ERCC2: variants seen among roughly 807,000 people sequenced by gnomAD.
ERCC2 encodes ERCC excision repair 2, TFIIH core complex helicase subunit, also known as general transcription and DNA repair factor IIH helicase subunit XPD.
In ERCC2, 90 loss-of-function variants were observed where a neutral mutation model predicts 99.4. The ratio of observed to expected loss-of-function variants is 0.91; its 90% CI spans 0.76 to 1.08. The LOEUF (loss-of-function observed/expected upper bound fraction) is 1.08, where lower values mean the gene tolerates loss of function less well. Among genes scored for constraint, ERCC2 ranks in the 50% least tolerant of loss-of-function variants. The pLI, the probability that ERCC2 is intolerant of heterozygous loss-of-function variation, is 0.00. For missense variants in ERCC2, 993 were observed against 1,038.1 expected, an observed-to-expected ratio of 0.96 and a Z score of 0.60; for synonymous variants, 497 against 432.4, an observed-to-expected ratio of 1.15 and a Z score of -1.85.
intron 11 of ERCC2, 107 bp from the exon 12 acceptor site, chr19:45,361,749 G>A: frequency 1.2e-6 from 1 of 829,298 alleles, no homozygotes; most frequent in South Asian, 1.4e-5. Flanking sequence ...CCCAGCCAAT[G>A]AGCACTCAGT....
chr19:45,352,127 G>A (rs539168986), intron 22 of ERCC2, 82 bp downstream of exon 22: 956 of 1,464,494 alleles, frequency 6.5e-4, no homozygotes, highest in African/African-American at 2.5e-3. Flanking sequence ...GGCTGAGGGT[G>A]GGGAGTGGGG....
chr19:45,352,474 A>T, intron 21 of ERCC2, 32 bp downstream of exon 21: 1 of 1,614,092 alleles, frequency 6.2e-7, no homozygotes, highest in East Asian at 2.2e-5. Context: ...GGAGCCTGGG[A>T]TGGGAGCACA....
In ERCC2 at chr19:45,352,209, C is replaced by T. The variant is rs1410916993; in HGVS notation, c.2190G>A (p.Arg730=). Reference sequence around the variant, plus strand: ...GCCGGGAGGGGGACGCAGGCCTCACCCGGTGGAAGGGCTGTGCCATCTGCC... The same window carrying T: ...GCCGGGAGGGGGACGCAGGCCTCACTCGGTGGAAGGGCTGTGCCATCTGCC... The part of the protein sequence containing the change: ...FLRQMAQPFH[R]EDQLGLSLLS... Residue 730 remains arginine, a splice_region_variant and synonymous_variant, in exon 22 of 23, where the codon CGG becomes CGA. Transcript: ENST00000391945. 6.2e-7 allele frequency: 1 copy of T among 1,613,510 alleles called. No homozygotes were observed. The highest frequency in any genetic ancestry group is 8.5e-7 in the Non-Finnish European group (1 of 1,179,952).
Position 45,351,734 on chromosome 19 carries a change from G to T in ERCC2, c.2191-13C>A, listed in dbSNP as rs1568530400. 1 of 1,613,170 alleles carries T rather than the reference G, an allele frequency of 6.2e-7. No homozygotes were observed. The highest frequency in any genetic ancestry group is 1.7e-5 in the Admixed American group (1 of 60,032). ...CCAGCTGATCCTCCTGCAGAGAACA[G>T]AGGAAAGGGAGAGGGGGGCACTGTT... On this transcript the variant is annotated splice_polypyrimidine_tract_variant and intron_variant, in intron 22 of 22. Coordinates refer to ENST00000391945, the MANE Select transcript of ERCC2 (RefSeq NM_000400.4).
chr19:45,361,788 A>C lies in ERCC2; in HGVS notation c.1119-146T>G, dbSNP rs111562095. ...GGTGGGCACTGGGCCTGTTTTGGAA[A>C]CTTGCACCCCCACGCTGTACACCTG... On this transcript the variant is annotated intron_variant, in intron 11 of 22. Coordinates refer to ENST00000391945, the MANE Select transcript of ERCC2 (RefSeq NM_000400.4). 0.023 allele frequency: 15,878 copies of C among 703,866 alleles called. 251 individuals carry two copies. The highest frequency in any genetic ancestry group is 0.027 in the Non-Finnish European group (10,172 of 382,980). The allele number at this position is 703,866 out of a possible 1,614,324, so 43.6% of individuals were successfully genotyped here.
At chr19:45,351,803 C>CA in intron 22 of ERCC2, 82 bp from the exon 23 acceptor site, 1 of 1,208,808 alleles carries the variant, frequency 8.3e-7, no homozygotes, top group South Asian at 1.2e-5. Context: ...AACCACCCCC[C>CA]CGAATGGCCA....
At chr19:45,363,484 A>G (rs1972297338) in intron 11 of ERCC2, among the ~76,000 whole-genome samples, 1 of 150,996 alleles carries the variant, frequency 6.6e-6, no homozygotes, top group South Asian at 2.1e-4. Flanking sequence ...TGGTGCTCCC[A>G]CTCTCTCTTG....
At chr19:45,352,862 G>A (rs1308041631) in intron 19 of ERCC2, 46 bp from the exon 20 acceptor site, 27 of 1,575,388 alleles carry the variant, frequency 1.7e-5, no homozygotes, top group Non-Finnish European at 2.3e-5. Flanking sequence ...AAGTGTGGCT[G>A]GTGGGACAGG....
At chr19:45,358,004 C>G (rs1972073794) in intron 12 of ERCC2, 1 of 502,212 alleles carries the variant, frequency 2.0e-6, no homozygotes, top group African/African-American at 1.9e-5. Flanking sequence ...GCACCCACGC[C>G]AAAGCCAGGA....
intron 17 of ERCC2, 120 bp from the exon 18 acceptor site, chr19:45,353,454 T>G: frequency 1.4e-6 from 1 of 720,804 alleles, no homozygotes; most frequent in Non-Finnish European, 2.5e-6. Flanking sequence ...TCATCTGAGA[T>G]GTGGTGAGGG....
chr19:45,352,145 A>C, intron 22 of ERCC2, 64 bp downstream of exon 22: 3 of 1,582,488 alleles, frequency 1.9e-6, no homozygotes. Flanking sequence ...GGGAGAATCC[A>C]AGGGGACTTT....
Position 45,364,029 on chromosome 19 carries a change from G to A in ERCC2, c.906C>T (p.Asp302=), listed in dbSNP as rs774275884. 15 of 1,555,700 alleles carry A rather than the reference G, an allele frequency of 9.6e-6. No individual in the cohort carries two copies. Among genetic ancestry groups the A allele is most frequent in the South Asian group, 3.5e-5 (3 of 85,180 alleles). ...GCAGCACGGGGTTGGCCAGGTGGGCGTCCGTCTCCCGGGCGGCGCTGGCCT... is the reference window on the plus strand; with the variant it reads ...GCAGCACGGGGTTGGCCAGGTGGGCATCCGTCTCCCGGGCGGCGCTGGCCT... The part of the protein sequence containing the change: ...LREASAARET[D]AHLANPVLPD... The change falls in exon 10 of 23, where the codon GAC becomes GAT. Residue 302 remains aspartate, a synonymous_variant. Coordinates refer to ENST00000391945, the MANE Select transcript of ERCC2 (RefSeq NM_000400.4).
intron 21 of ERCC2, 45 bp from the exon 22 acceptor site, chr19:45,352,397 G>A (rs900883360): frequency 1.2e-6 from 2 of 1,613,590 alleles, no homozygotes; most frequent in African/African-American, 1.3e-5. Flanking sequence ...CATTCGGGGA[G>A]CCTGGGCCAC....
intron 21 of ERCC2, 72 bp downstream of exon 21, chr19:45,352,434 G>A: frequency 6.2e-7 from 1 of 1,613,814 alleles, no homozygotes; most frequent in African/African-American, 1.3e-5. Context: ...CACCCCACCT[G>A]GGAAATGAAC....
intron 7 of ERCC2, 133 bp from the exon 8 acceptor site, chr19:45,364,680 T>C: frequency 7.1e-7 from 1 of 1,417,198 alleles, no homozygotes; most frequent in Non-Finnish European, 9.8e-7. Context: ...TATGAGCAGA[T>C]GGATAGAGAC....
At chr19:45,361,908 G>A (rs1972236567) in intron 11 of ERCC2, 12 of 475,390 alleles carry the variant, frequency 2.5e-5, no homozygotes, top group South Asian at 2.3e-4. Context: ...CTGCTAGCAC[G>A]ACCTCCTAAG....
intron 16 of ERCC2, 35 bp downstream of exon 16, chr19:45,355,630 G>A (rs896371630): frequency 1.7e-5 from 27 of 1,591,858 alleles, no homozygotes; most frequent in Non-Finnish European, 1.9e-5. Flanking sequence ...CTCCCCTCTT[G>A]GAACCCACAG....
At position 45,350,078 on chromosome 19, in the gene ERCC2, T is replaced by G. The variant is rs1252965074; in HGVS notation, c.*1551A>C. The G allele has an allele frequency of 2.0e-6, 1 of 501,038 alleles. No homozygotes were observed. Among genetic ancestry groups the G allele is most frequent in the Non-Finnish European group, 3.6e-6 (1 of 280,078 alleles). The allele number at this position is 501,038 out of a possible 1,614,324, so 31.0% of individuals were successfully genotyped here. On this transcript the variant is annotated 3_prime_UTR_variant, in exon 23 of 23. Coordinates refer to ENST00000391945, the MANE Select transcript of ERCC2 (RefSeq NM_000400.4). Reference sequence around the variant, plus strand: ...GTAAGGCCGAGCTCCAAACCCACTCTGCCCCAGGGCAAGGCTTTAGGCAGG... The same window carrying G: ...GTAAGGCCGAGCTCCAAACCCACTCGGCCCCAGGGCAAGGCTTTAGGCAGG...
chr19:45,359,548 G>A (rs1313787242), intron 12 of ERCC2, among the ~76,000 whole-genome samples: 1 of 152,152 alleles, frequency 6.6e-6, no homozygotes, highest in East Asian at 1.9e-4. Context: ...CCAGAATGAT[G>A]TCCCTCTCTC....
Sources: gnomAD v4.1 joint callset for allele counts (sites outside exome capture counted in the v4.1 genomes callset) on GRCh38, gnomAD v4.1.1 for gene constraint, MANE v1.5 for transcripts, NCBI Gene and HGNC (gene_info 2026-07-23, HGNC 2026-07-21) for gene names.